STX8: variants seen among roughly 807,000 people sequenced by gnomAD.
STX8 encodes syntaxin-8.
STX8 carries 23 observed loss-of-function variants against 37.5 expected under a neutral mutation model. That is an observed-to-expected ratio of 0.61 (90% confidence interval 0.44 to 0.87). The LOEUF is 0.87. Among genes scored for constraint, STX8 ranks in the 40% least tolerant of loss-of-function variants. The pLI is 0.00. For synonymous variants in STX8, 115 were observed against 99.1 expected (o/e 1.16, Z -0.95); for missense variants, 313 against 284.7 (o/e 1.10, Z -0.71).
At chr17:9,285,033 C>G (rs945891887) in intron 7 of STX8, among the ~76,000 whole-genome samples, 1 of 152,156 alleles carries the variant, frequency 6.6e-6, no homozygotes, top group Admixed American at 6.5e-5. Flanking sequence ...CCCAGCTTCC[C>G]AGGCCCCACC....
chr17:9,543,290 C>T (rs562222313), intron 4 of STX8, among the ~76,000 whole-genome samples: 1 of 86,704 alleles, frequency 1.2e-5, no homozygotes, highest in Admixed American at 1.7e-4. Flanking sequence ...TTCTAGAAGA[C>T]AGTTTTTTGG....
At chr17:9,370,045 C>G (rs906789096) in intron 7 of STX8, among the ~76,000 whole-genome samples, 1 of 151,632 alleles carries the variant, frequency 6.6e-6, no homozygotes, top group Non-Finnish European at 1.5e-5. Flanking sequence ...GAAACCCCGT[C>G]TCTACTAAAA....
Position 9,269,838 on chromosome 17 carries a change from T to C in STX8, c.644-19193A>G, listed in dbSNP as rs1032380464. Among the ~76,000 whole-genome samples, 8 of 152,342 alleles carry C rather than the reference T, an allele frequency of 5.3e-5. No homozygotes were observed. In the East Asian group the frequency reaches 1.5e-3, roughly 29 times the overall value. ...TGCTTTGGGGCCCTCTGCCAGCTTC[T>C]CTGCACCCAGCACACCAGCACTAGC... is the stretch of plus-strand genomic sequence containing the variant. On this transcript the variant is annotated intron_variant, in intron 7 of 7. Coordinates refer to ENST00000306357, the MANE Select transcript of STX8 (RefSeq NM_004853.3).
At chr17:9,488,144 G>C (rs547852266) in intron 6 of STX8, among the ~76,000 whole-genome samples, 1 of 152,010 alleles carries the variant, frequency 6.6e-6, no homozygotes, top group Non-Finnish European at 1.5e-5. Flanking sequence ...CTGGCCAACA[G>C]GGTGAAACCT....
chr17:9,419,326 C>T (rs1913339544), intron 6 of STX8, among the ~76,000 whole-genome samples: 2 of 152,186 alleles, frequency 1.3e-5, no homozygotes, highest in South Asian at 2.1e-4. Flanking sequence ...ATCCTCCCAC[C>T]TCAGCCTCCC....
At chr17:9,509,117 C>A (rs1904941556) in intron 4 of STX8, among the ~76,000 whole-genome samples, 1 of 152,068 alleles carries the variant, frequency 6.6e-6, no homozygotes, top group African/African-American at 2.4e-5. Flanking sequence ...GGCATGGTGG[C>A]AGGTGCCTGT....
chr17:9,558,724 G>C (rs2151915779), intron 2 of STX8, among the ~76,000 whole-genome samples: 1 of 152,254 alleles, frequency 6.6e-6, no homozygotes, highest in East Asian at 1.9e-4. Context: ...GCGGGAGGCT[G>C]AGGCAGGAGA....
intron 6 of STX8, among the ~76,000 whole-genome samples, chr17:9,435,635 C>G (rs570670653): frequency 6.6e-6 from 1 of 152,270 alleles, no homozygotes; most frequent in South Asian, 2.1e-4. Flanking sequence ...ATAGAGGAAA[C>G]TTACATGGAG....
In STX8 at chr17:9,360,492, TCC is replaced by T. The variant is rs2142258676; in HGVS notation, c.643+18058_643+18059del. ...CTCAGGTGATCTGCCTGCCTCGGCC[TCC>T]CAAAGTGCTGGGATTACAGTGTTGA... On this transcript the variant is annotated intron_variant, in intron 7 of 7. Coordinates refer to ENST00000306357, the MANE Select transcript of STX8 (RefSeq NM_004853.3). 2.0e-5 allele frequency among the ~76,000 whole-genome samples: 3 copies of T among 152,116 alleles called. No individual in the cohort carries two copies. The South Asian group carries it at 6.2e-4, about 32-fold the overall frequency.
At chr17:9,474,735 G>A (rs1402425927) in intron 6 of STX8, among the ~76,000 whole-genome samples, 2 of 152,244 alleles carry the variant, frequency 1.3e-5, no homozygotes, top group African/African-American at 4.8e-5. Flanking sequence ...CACTTTGGGA[G>A]GCTGAAGCGG....
chr17:9,412,441 A>G (rs1211994381), intron 6 of STX8, among the ~76,000 whole-genome samples: 7 of 152,100 alleles, frequency 4.6e-5, no homozygotes, highest in African/African-American at 1.7e-4. Flanking sequence ...CACCACACCC[A>G]GCTAATTTTG....
intron 6 of STX8, among the ~76,000 whole-genome samples, chr17:9,477,243 G>A (rs1444397431): frequency 1.3e-5 from 2 of 152,150 alleles, no homozygotes; most frequent in Admixed American, 1.3e-4. Context: ...TATCTCTGAA[G>A]ACCCTATCTC....
chr17:9,550,211 G>T (rs1213954930), intron 3 of STX8, among the ~76,000 whole-genome samples: 2 of 150,012 alleles, frequency 1.3e-5, no homozygotes, highest in Non-Finnish European at 3.0e-5. Flanking sequence ...GCAACAAAGT[G>T]AGACTCCATC....
chr17:9,254,989 G>A (rs181067806), intron 7 of STX8, among the ~76,000 whole-genome samples: 1 of 152,326 alleles, frequency 6.6e-6, no homozygotes, highest in African/African-American at 2.4e-5. Flanking sequence ...AGGCCAATGA[G>A]TAAGAAAATT....
chr17:9,314,190 CTTTCATGCCCTCTATTATATCAT>C (rs1909297616), intron 7 of STX8, among the ~76,000 whole-genome samples: 1 of 152,180 alleles, frequency 6.6e-6, no homozygotes, highest in Admixed American at 6.5e-5. Flanking sequence ...TGAATTAACA[CTTTCATGCCCTCTATTATATCAT>C]TTGGTGATTT....
intron 7 of STX8, among the ~76,000 whole-genome samples, chr17:9,305,258 A>C (rs1908938801): frequency 6.6e-6 from 1 of 151,832 alleles, no homozygotes; most frequent in South Asian, 2.1e-4. Context: ...ACGCCTGGCT[A>C]ATTTTTGTAT....
At chr17:9,291,398 G>A (rs1481138651) in intron 7 of STX8, among the ~76,000 whole-genome samples, 6 of 144,360 alleles carry the variant, frequency 4.2e-5, no homozygotes, top group Non-Finnish European at 8.9e-5. Flanking sequence ...CCATGATCAC[G>A]CCACTGCACT....
chr17:9,567,038 C>T (rs761362224), intron 2 of STX8, among the ~76,000 whole-genome samples: 15 of 152,134 alleles, frequency 9.9e-5, no homozygotes, highest in South Asian at 2.1e-4. Context: ...AACCAAATAC[C>T]GCATGTTCTC....
chr17:9,400,372 T>C (rs1421556671), intron 6 of STX8, among the ~76,000 whole-genome samples: 2 of 151,750 alleles, frequency 1.3e-5, no homozygotes, highest in Non-Finnish European at 2.9e-5. Flanking sequence ...AGTGCTGGGG[T>C]TACAGGTGTG....
Sources: allele counts gnomAD v4.1 joint callset (sites outside exome capture counted in the v4.1 genomes callset), GRCh38; gene constraint gnomAD v4.1.1; transcripts MANE v1.5; gene names NCBI Gene and HGNC (gene_info 2026-07-23, HGNC 2026-07-21).